Variants in KCTD16 observed in about 807,000 individuals in gnomAD.
KCTD16 encodes the protein BTB/POZ domain-containing protein KCTD16.
In KCTD16, 13 loss-of-function variants were observed where a neutral mutation model predicts 33.2. The ratio of observed to expected loss-of-function variants is 0.39; its 90% CI spans 0.25 to 0.62. The LOEUF (loss-of-function observed/expected upper bound fraction) is 0.62. KCTD16 is among the 20% of genes least tolerant of loss of function. The pLI is 0.50. For missense variants in KCTD16, 441 were observed against 525.1 expected, an observed-to-expected ratio of 0.84 and a Z score of 1.57; for synonymous variants, 197 against 195.3, an observed-to-expected ratio of 1.01 and a Z score of -0.07.
At chr5:144,410,197 G>C (rs1580940621) in intron 3 of KCTD16, among the ~76,000 whole-genome samples, 1 of 152,208 alleles carries the variant, frequency 6.6e-6, no homozygotes, top group Non-Finnish European at 1.5e-5. Flanking sequence ...AAGAAAAGGG[G>C]AGGCTGTCCT....
intron 3 of KCTD16, among the ~76,000 whole-genome samples, chr5:144,407,742 T>C (rs1356307117): frequency 6.6e-6 from 1 of 152,184 alleles, no homozygotes; most frequent in Non-Finnish European, 1.5e-5. Flanking sequence ...TCCCTCCCTG[T>C]GTCCATGTGT....
chr5:144,207,569 A>AT (rs1390402804), intron 3 of KCTD16, 23 bp downstream of exon 3: 1 of 1,535,184 alleles, frequency 6.5e-7, no homozygotes. Flanking sequence ...GGTTGTTTTA[A>AT]TTTTTTATGT....
At chr5:144,441,909 G>T (rs1297467385) in intron 3 of KCTD16, among the ~76,000 whole-genome samples, 3 of 149,746 alleles carry the variant, frequency 2.0e-5, no homozygotes, top group South Asian at 4.2e-4. Flanking sequence ...TGAATCTGTA[G>T]ATTGACTTGC....
chr5:144,254,229 C>T lies in KCTD16; in HGVS notation c.832+46683C>T, dbSNP rs370171879. 6.6e-5 allele frequency among the ~76,000 whole-genome samples: 10 copies of T among 152,230 alleles called. No individual in the cohort carries two copies. The South Asian group carries it at 1.4e-3, about 22-fold the overall frequency. On this transcript the variant is annotated intron_variant, in intron 3 of 3. Transcript: ENST00000512467. ...CTCCGCTCACTGGAAGCTCCACCCC[C>T]GGGTTCATGCCATTCTCCTGCCTCA...
chr5:144,211,790 A>G (rs1487183386), intron 3 of KCTD16, among the ~76,000 whole-genome samples: 1 of 152,108 alleles, frequency 6.6e-6, no homozygotes, highest in Non-Finnish European at 1.5e-5. Context: ...GGCCAAAATC[A>G]TAAGGTATGT....
At chr5:144,289,045 C>A (rs1032746578) in intron 3 of KCTD16, among the ~76,000 whole-genome samples, 1 of 151,446 alleles carries the variant, frequency 6.6e-6, no homozygotes, top group East Asian at 1.9e-4. Context: ...AACAAAAAAA[C>A]AAGCAAGCAA....
chr5:144,469,526 G>A (rs959162869), intron 3 of KCTD16, among the ~76,000 whole-genome samples: 1 of 152,192 alleles, frequency 6.6e-6, no homozygotes, highest in Non-Finnish European at 1.5e-5. Flanking sequence ...GTAAAACAAA[G>A]ATGTGTAATT....
intron 3 of KCTD16, among the ~76,000 whole-genome samples, chr5:144,323,959 A>G (rs549086281): frequency 6.6e-6 from 1 of 152,304 alleles, no homozygotes; most frequent in African/African-American, 2.4e-5. Flanking sequence ...ACTCACTACT[A>G]TTGAAATGAA....
chr5:144,260,822 C>T (rs1754987718), intron 3 of KCTD16, among the ~76,000 whole-genome samples: 1 of 151,884 alleles, frequency 6.6e-6, no homozygotes, highest in Admixed American at 6.6e-5. Context: ...ATATTTGAGT[C>T]TCTATTTATC....
intron 3 of KCTD16, among the ~76,000 whole-genome samples, chr5:144,371,505 A>C (rs1751965751): frequency 6.6e-6 from 1 of 152,130 alleles, no homozygotes; most frequent in African/African-American, 2.4e-5. Context: ...AGTATGTGTT[A>C]TCTGTTTCTC....
intron 3 of KCTD16, among the ~76,000 whole-genome samples, chr5:144,418,219 A>G (rs1311283567): frequency 2.6e-5 from 4 of 152,192 alleles, no homozygotes; most frequent in African/African-American, 9.6e-5. Flanking sequence ...GAGCAGCAGC[A>G]AGCTTTATTA....
chr5:144,409,225 G>A (rs1407865391), intron 3 of KCTD16, among the ~76,000 whole-genome samples: 1 of 152,092 alleles, frequency 6.6e-6, no homozygotes, highest in Non-Finnish European at 1.5e-5. Flanking sequence ...TTCATAAAAT[G>A]AAAACAATTT....
chr5:144,378,312 T>C (rs899632047), intron 3 of KCTD16, among the ~76,000 whole-genome samples: 1 of 152,148 alleles, frequency 6.6e-6, no homozygotes, highest in Non-Finnish European at 1.5e-5. Flanking sequence ...CTAATATGTA[T>C]ATGAATAAGG....
intron 3 of KCTD16, among the ~76,000 whole-genome samples, chr5:144,267,225 G>A (rs546148237): frequency 6.6e-6 from 1 of 152,228 alleles, no homozygotes; most frequent in East Asian, 1.9e-4. Flanking sequence ...AGATGGCCTG[G>A]TTTGAACCTA....
At chr5:144,393,225 A>T (rs1458731146) in intron 3 of KCTD16, among the ~76,000 whole-genome samples, 1 of 152,210 alleles carries the variant, frequency 6.6e-6, no homozygotes, top group East Asian at 1.9e-4. Context: ...TTGGTGAAAG[A>T]TATCAATATC....
chr5:144,238,879 A>G (rs1754326167), intron 3 of KCTD16, among the ~76,000 whole-genome samples: 1 of 152,154 alleles, frequency 6.6e-6, no homozygotes, highest in South Asian at 2.1e-4. Flanking sequence ...AACTAGGAAA[A>G]GACAGATGCA....
intron 3 of KCTD16, among the ~76,000 whole-genome samples, chr5:144,344,677 A>T (rs921666070): frequency 2.6e-5 from 4 of 151,234 alleles, no homozygotes; most frequent in African/African-American, 9.7e-5. Context: ...ACCAGTTAGA[A>T]TGGCAATCAT....
chr5:144,236,622 AGGAT>A (rs1219913146), intron 3 of KCTD16, among the ~76,000 whole-genome samples: 2 of 152,164 alleles, frequency 1.3e-5, no homozygotes, highest in Non-Finnish European at 2.9e-5. Context: ...ACTTGCTGTT[AGGAT>A]AGTAAGGTAG....
chr5:144,302,508 C>T (rs1231477978), intron 3 of KCTD16, among the ~76,000 whole-genome samples: 2 of 152,156 alleles, frequency 1.3e-5, no homozygotes, highest in African/African-American at 4.8e-5. Context: ...AGTATGATTG[C>T]TTTTCTAGGT....
Sources: gnomAD v4.1 joint callset for allele counts (sites outside exome capture counted in the v4.1 genomes callset) on GRCh38, gnomAD v4.1.1 for gene constraint, MANE v1.5 for transcripts, NCBI Gene and HGNC (gene_info 2026-07-23, HGNC 2026-07-21) for gene names.